The following KDM2B variants were observed in gnomAD, a reference collection of about 807,000 sequenced individuals.
KDM2B encodes lysine demethylase 2B, also known as lysine-specific demethylase 2B.
KDM2B carries 26 observed loss-of-function variants against 150.0 expected under a neutral mutation model. That is an observed-to-expected ratio of 0.17 (90% confidence interval 0.13 to 0.24). The LOEUF (loss-of-function observed/expected upper bound fraction) is 0.24. Ranked by LOEUF, KDM2B falls within the 10% of genes least tolerant of loss-of-function variation. The pLI is 1.00. For synonymous variants in KDM2B, 734 were observed against 729.5 expected, an observed-to-expected ratio of 1.01 and a Z score of -0.10; for missense variants, 1,265 against 1,816.9, an observed-to-expected ratio of 0.70 and a Z score of 5.52.
At position 121,489,223 on chromosome 12, in the gene KDM2B, G is replaced by A. The variant is rs149221332; in HGVS notation, c.1734+5356C>T. 5.0e-3 allele frequency among the ~76,000 whole-genome samples: 759 copies of A among 152,190 alleles called. 2 individuals carry two copies. Among genetic ancestry groups the A allele is most frequent in the Non-Finnish European group, 7.9e-3 (537 of 68,008 alleles). ...GCCTCCCAAAGGGCTGGGATTACAG[G>A]TGTGAGCCACTGCGCCCGGCCGGGT... On this transcript the variant is annotated intron_variant, in intron 12 of 22. Transcript: ENST00000377071.
intron 6 of KDM2B, among the ~76,000 whole-genome samples, chr12:121,536,661 T>G (rs1888127741): frequency 8.9e-6 from 1 of 112,554 alleles, no homozygotes. Context: ...TTCGTCTTGG[T>G]TTTTTTTTTT....
intron 12 of KDM2B, among the ~76,000 whole-genome samples, chr12:121,464,585 C>T (rs1420058249): frequency 1.3e-5 from 2 of 152,120 alleles, no homozygotes; most frequent in African/African-American, 4.8e-5. Context: ...GTGGAGCAGC[C>T]AAAACTCTGA....
In KDM2B at chr12:121,494,632, T is replaced by A; in HGVS notation, c.1681A>T (p.Ser561Cys). The change falls in exon 12 of 23, where the codon AGT becomes TGT. Residue 561 changes from serine (S) to cysteine (C), a missense_variant. Coordinates refer to ENST00000377071, the MANE Select transcript of KDM2B (RefSeq NM_032590.5). Reference sequence around the variant, plus strand: ...ACAGGGACCCCAGTGATGGCCAGACTAGGGTCATCATCTGCGTGCTCCTTC... The same window carrying A: ...ACAGGGACCCCAGTGATGGCCAGACAAGGGTCATCATCTGCGTGCTCCTTC... Reference protein sequence around the residue: ...VLKEHADDDPSLAITGVPVVT... With the variant: ...VLKEHADDDPCLAITGVPVVT... 6.2e-7 allele frequency: 1 copy of A among 1,613,520 alleles called. No individual in the cohort carries two copies. The highest frequency in any genetic ancestry group is 1.3e-5 in the African/African-American group (1 of 75,038).
intron 11 of KDM2B, among the ~76,000 whole-genome samples, chr12:121,505,339 T>G (rs1884974668): frequency 6.6e-6 from 1 of 151,788 alleles, no homozygotes; most frequent in African/African-American, 2.4e-5. Context: ...CTTGGACACC[T>G]TAACATGGTT....
chr12:121,450,592 GCTCA>G (rs1555291351), intron 13 of KDM2B, among the ~76,000 whole-genome samples: 2 of 151,968 alleles, frequency 1.3e-5, no homozygotes, highest in African/African-American at 2.4e-5. Flanking sequence ...GGGTGCGGTG[GCTCA>G]CGCCTGTAAT....
chr12:121,491,270 A>T (rs1009670919), intron 12 of KDM2B, among the ~76,000 whole-genome samples: 1 of 152,150 alleles, frequency 6.6e-6, no homozygotes, highest in African/African-American at 2.4e-5. Flanking sequence ...TGCTTCCTCA[A>T]CTGCACTGGG....
At chr12:121,475,093 A>G (rs146354438) in intron 12 of KDM2B, among the ~76,000 whole-genome samples, 28 of 152,000 alleles carry the variant, frequency 1.8e-4, no homozygotes, top group African/African-American at 6.3e-4. Context: ...GGGCTATATC[A>G]TCTAGGTTTG....
chr12:121,557,340 C>T (rs901902470), intron 4 of KDM2B, among the ~76,000 whole-genome samples: 2 of 148,386 alleles, frequency 1.3e-5, no homozygotes, highest in African/African-American at 2.5e-5. Context: ...TGGGTTCAAG[C>T]GATTCTCCTG....
intron 17 of KDM2B, chr12:121,443,291 G>T (rs1283703089): frequency 5.1e-6 from 3 of 585,624 alleles, no homozygotes; most frequent in Non-Finnish European, 9.1e-6. Context: ...GAGATGTGCA[G>T]CCGCCCATTC....
intron 8 of KDM2B, among the ~76,000 whole-genome samples, chr12:121,530,429 A>C (rs1887567480): frequency 6.6e-6 from 1 of 152,070 alleles, no homozygotes; most frequent in Non-Finnish European, 1.5e-5. Flanking sequence ...ATCTTTAGCA[A>C]AATTATAAGT....
intron 13 of KDM2B, 22 bp from the exon 14 acceptor site, chr12:121,445,440 G>C (rs782439261): frequency 1.3e-6 from 2 of 1,573,116 alleles, no homozygotes; most frequent in Admixed American, 1.8e-5. Context: ...GGGAGAACAA[G>C]ACAAGTCATC....
intron 10 of KDM2B, among the ~76,000 whole-genome samples, chr12:121,512,232 C>T (rs989545890): frequency 2.0e-5 from 3 of 152,030 alleles, no homozygotes; most frequent in South Asian, 4.1e-4. Context: ...TGTAGGGTTT[C>T]GGGACTTTCC....
At chr12:121,427,869 G>A (rs1186119860), downstream of KDM2B, among the ~76,000 whole-genome samples, 4 of 152,120 alleles carry the variant, frequency 2.6e-5, no homozygotes, top group African/African-American at 9.7e-5. Flanking sequence ...GAGTGACTAC[G>A]GGATCCGTTC....
At chr12:121,432,326 G>A (rs933344600) in intron 22 of KDM2B, among the ~76,000 whole-genome samples, 2 of 152,062 alleles carry the variant, frequency 1.3e-5, no homozygotes, top group African/African-American at 2.4e-5. Context: ...CAATTCCTTC[G>A]GGAAACTCAT....
downstream of KDM2B, among the ~76,000 whole-genome samples, chr12:121,426,142 G>A (rs902009234): frequency 6.6e-6 from 1 of 152,150 alleles, no homozygotes; most frequent in African/African-American, 2.4e-5. Flanking sequence ...TGCTGGTTTT[G>A]TCTAAACTTA....
intron 3 of KDM2B, 109 bp from the exon 4 acceptor site, chr12:121,574,702 G>T: frequency 1.0e-6 from 1 of 968,848 alleles, no homozygotes; most frequent in Non-Finnish European, 1.6e-6. Flanking sequence ...TTTCCCCTCA[G>T]TTTGGGAACT....
chr12:121,500,703 CCA>C (rs1884456310), intron 11 of KDM2B, among the ~76,000 whole-genome samples: 3 of 152,196 alleles, frequency 2.0e-5, no homozygotes, highest in Non-Finnish European at 4.4e-5. Flanking sequence ...GGAAAGAGAC[CCA>C]CCAGGCATCA....
rs549724040 is a variant in KDM2B, at chr12:121,442,907, C to G, written c.2605-71G>C. 37 of 1,568,354 alleles carry G rather than the reference C, an allele frequency of 2.4e-5. No individual in the cohort carries two copies. In the African/African-American group the frequency reaches 2.5e-4, roughly 10 times the overall value. ...GCGCCCGCCCAAGGCCTCCCGCCCC[C>G]CTGCCACGGGACTGTGGCCCAGGGA... On this transcript the variant is annotated intron_variant, in intron 18 of 22. Transcript: ENST00000377071. The surrounding 1 kb of genome is among the most constrained non-coding windows in gnomAD (Gnocchi z 7.7).
intron 4 of KDM2B, among the ~76,000 whole-genome samples, chr12:121,562,265 C>T (rs1477949303): frequency 1.3e-5 from 2 of 151,354 alleles, no homozygotes; most frequent in African/African-American, 4.9e-5. Flanking sequence ...AACAGATCAC[C>T]TGAGGCCAGG....
Sources: gnomAD v4.1 joint callset for allele counts (sites outside exome capture counted in the v4.1 genomes callset) on GRCh38, gnomAD v4.1.1 for gene constraint, Gnocchi (gnomAD v3.1) non-coding constraint, MANE v1.5 for transcripts, NCBI Gene and HGNC (gene_info 2026-07-23, HGNC 2026-07-21) for gene names.